RNF217: variants seen among roughly 807,000 people sequenced by gnomAD.
The protein encoded by RNF217 is E3 ubiquitin-protein ligase RNF217.
A neutral mutation model predicts 57.8 loss-of-function variants in RNF217; 31 were observed. The observed-to-expected ratio is 0.54, with a 90% CI of 0.40 to 0.72. RNF217 has a LOEUF of 0.72. Among genes scored for constraint, RNF217 ranks in the 30% least tolerant of loss-of-function variants. RNF217 has a pLI of 0.00. For missense variants in RNF217, 696 were observed against 708.3 expected (o/e 0.98, Z 0.20); for synonymous variants, 313 against 294.0 (o/e 1.06, Z -0.66).
At chr6:124,985,141 T>A (rs574649400) in intron 1 of RNF217, among the ~76,000 whole-genome samples, 1 of 152,136 alleles carries the variant, frequency 6.6e-6, no homozygotes. Flanking sequence ...AAGTGCAAGA[T>A]CCAAAAGTCT....
At chr6:125,033,955 G>A (rs1464060524) in intron 1 of RNF217, among the ~76,000 whole-genome samples, 2 of 151,862 alleles carry the variant, frequency 1.3e-5, no homozygotes, top group African/African-American at 4.8e-5. Flanking sequence ...GTGATGATGA[G>A]CATTTTTTCA....
intron 3 of RNF217, among the ~76,000 whole-genome samples, chr6:125,075,276 A>G (rs536465333): frequency 1.3e-5 from 2 of 152,240 alleles, no homozygotes; most frequent in African/African-American, 4.8e-5. Flanking sequence ...GTAGTAGACT[A>G]TTTTTAGGAG....
chr6:125,032,094 C>T (rs502837), intron 1 of RNF217, among the ~76,000 whole-genome samples: 5,632 of 152,076 alleles, frequency 0.037, 140 homozygotes, highest in South Asian at 0.082. Flanking sequence ...TGGGAAAGAC[C>T]GGCCCCCCAT....
chr6:125,007,117 A>G (rs1161624941), intron 1 of RNF217, among the ~76,000 whole-genome samples: 2 of 152,228 alleles, frequency 1.3e-5, no homozygotes, highest in African/African-American at 2.4e-5. Context: ...TATCTAGTCT[A>G]TAAATCAACT....
At position 125,083,764 on chromosome 6, in the gene RNF217, T is replaced by G. The variant is rs1788686300; in HGVS notation, c.*827T>G. The G allele has an allele frequency of 6.6e-6, 1 of 152,104 alleles. No homozygotes were observed. The highest frequency in any genetic ancestry group is 2.4e-5 in the African/African-American group (1 of 41,450). The allele number at this position is 152,104 out of a possible 1,614,324, so 9.4% of individuals were successfully genotyped here. ...TTTTCTATTTCTTGCTCTTTCTTTT[T>G]GTCACACAAACACAGAAATTTGTGC... is the stretch of plus-strand genomic sequence containing the variant. On this transcript the variant is annotated 3_prime_UTR_variant, in exon 6 of 6. Coordinates refer to ENST00000521654, the MANE Select transcript of RNF217 (RefSeq NM_001286398.3).
At chr6:125,028,713 T>C (rs1229665790) in intron 1 of RNF217, among the ~76,000 whole-genome samples, 1 of 152,118 alleles carries the variant, frequency 6.6e-6, no homozygotes, top group Non-Finnish European at 1.5e-5. Flanking sequence ...CTTTTTACAC[T>C]TGTACCTGTG....
intron 1 of RNF217, among the ~76,000 whole-genome samples, chr6:124,974,470 C>T (rs908311343): frequency 6.6e-6 from 1 of 152,050 alleles, no homozygotes; most frequent in Non-Finnish European, 1.5e-5. Flanking sequence ...AAGCTATTAT[C>T]TTATAAAATT....
intron 1 of RNF217, among the ~76,000 whole-genome samples, chr6:124,994,055 G>A (rs376827046): frequency 6.6e-6 from 1 of 152,082 alleles, no homozygotes; most frequent in Non-Finnish European, 1.5e-5. Flanking sequence ...TGGAAAGAGG[G>A]AAGGGGTCAT....
intron 1 of RNF217, among the ~76,000 whole-genome samples, chr6:125,026,838 C>A (rs1786107657): frequency 6.6e-6 from 1 of 151,836 alleles, no homozygotes; most frequent in Non-Finnish European, 1.5e-5. Context: ...AAAATGAAAA[C>A]AAATTAAAAT....
chr6:125,061,589 G>C (rs1787734667), intron 3 of RNF217, among the ~76,000 whole-genome samples: 1 of 149,090 alleles, frequency 6.7e-6, no homozygotes, highest in African/African-American at 2.5e-5. Flanking sequence ...CATTTTCCCT[G>C]TTTTCTATTT....
At chr6:125,016,318 G>A (rs1785600196) in intron 1 of RNF217, among the ~76,000 whole-genome samples, 1 of 151,984 alleles carries the variant, frequency 6.6e-6, no homozygotes, top group South Asian at 2.1e-4. Flanking sequence ...GGAGAGAAGA[G>A]AAAAACATCA....
Position 125,045,181 on chromosome 6 carries a change from T to C in RNF217, c.883-30T>C, listed in dbSNP as rs547318868. The C allele has an allele frequency of 5.4e-6, 8 of 1,472,106 alleles. No homozygotes were observed. In the South Asian group the frequency reaches 6.1e-5, roughly 11 times the overall value. 91.2% of individuals were successfully genotyped at this position (1,472,106 alleles called of 1,614,324 possible). A position where few individuals can be genotyped will look rare whatever the true frequency, so the allele number is the denominator to read the frequency against. On this transcript the variant is annotated intron_variant, in intron 1 of 5. Transcript: ENST00000521654. ...GAAAGAAAATAACCAGTGACGTTTT[T>C]TTCCTTCCATCTGCTCTTCCATCAT...
In RNF217 at chr6:125,087,535, GC is replaced by G. The variant is rs1788806492; in HGVS notation, c.*4599del. 1 of 152,170 alleles carries G rather than the reference GC, an allele frequency of 6.6e-6. No homozygotes were observed. The highest frequency in any genetic ancestry group is 2.1e-4 in the South Asian group (1 of 4,830). 9.4% of individuals were successfully genotyped at this position (152,170 alleles called of 1,614,324 possible). A position where few individuals can be genotyped will look rare whatever the true frequency, so the allele number is the denominator to read the frequency against. ...TTTGTGCCATTTAAATAATGACAAA[GC>G]AATCAATGCATACATTTCAATGGAG... On this transcript the variant is annotated 3_prime_UTR_variant, in exon 6 of 6. Transcript: ENST00000521654.
At chr6:125,063,242 G>T (rs1365526862) in intron 3 of RNF217, among the ~76,000 whole-genome samples, 1 of 152,066 alleles carries the variant, frequency 6.6e-6, no homozygotes, top group Non-Finnish European at 1.5e-5. Context: ...TTAAAAGTGA[G>T]ATGCATGCTA....
chr6:125,042,779 G>A (rs1345294696), intron 1 of RNF217, among the ~76,000 whole-genome samples: 4 of 151,914 alleles, frequency 2.6e-5, no homozygotes, highest in Non-Finnish European at 5.9e-5. Context: ...ATAACACCTG[G>A]CCTTTCCTGA....
intron 2 of RNF217, among the ~76,000 whole-genome samples, chr6:125,054,635 A>T (rs1202597799): frequency 6.6e-6 from 1 of 152,222 alleles, no homozygotes; most frequent in Non-Finnish European, 1.5e-5. Context: ...CCGCTTAGGC[A>T]GCTTGCCAAC....
chr6:124,979,186 A>G lies in RNF217; in HGVS notation c.882+15760A>G, dbSNP rs371365464. Reference sequence around the variant, plus strand: ...AAGGACCTGACCCTGTCTGCCTACAAATTTGTCTGTCTCTTGTTATTATCA... The same window carrying G: ...AAGGACCTGACCCTGTCTGCCTACAGATTTGTCTGTCTCTTGTTATTATCA... On this transcript the variant is annotated intron_variant, in intron 1 of 5. Coordinates refer to ENST00000521654, the MANE Select transcript of RNF217 (RefSeq NM_001286398.3). Among the ~76,000 whole-genome samples the G allele has an allele frequency of 3.9e-5, 6 of 152,212 alleles. No individual in the cohort carries two copies. The East Asian group carries it at 7.7e-4, about 20-fold the overall frequency.
intron 3 of RNF217, among the ~76,000 whole-genome samples, chr6:125,059,856 C>A (rs1402423637): frequency 6.6e-6 from 1 of 152,056 alleles, no homozygotes; most frequent in Non-Finnish European, 1.5e-5. Context: ...AAAGGGATTA[C>A]CTTTTAAATA....
At chr6:125,033,351 C>A (rs28374785) in intron 1 of RNF217, among the ~76,000 whole-genome samples, 1 of 119,352 alleles carries the variant, frequency 8.4e-6, no homozygotes, top group Non-Finnish European at 1.7e-5. Context: ...CCCCTCCCCC[C>A]ACCCCACAAC....
Sources: allele counts gnomAD v4.1 joint callset (sites outside exome capture counted in the v4.1 genomes callset), GRCh38; gene constraint gnomAD v4.1.1; transcripts MANE v1.5; gene names NCBI Gene and HGNC (gene_info 2026-07-23, HGNC 2026-07-21).